CPXM2: variants seen among roughly 807,000 people sequenced by gnomAD.
CPXM2 encodes carboxypeptidase X, M14 family member 2.
CPXM2 carries 66 observed loss-of-function variants against 86.1 expected under a neutral mutation model. The observed-to-expected ratio is 0.77, with a 90% CI of 0.63 to 0.94. CPXM2 has a LOEUF of 0.94. Among genes scored for constraint, CPXM2 ranks in the 40% least tolerant of loss-of-function variants. The pLI is 0.00. For missense variants in CPXM2, 948 were observed against 1,026.3 expected, an observed-to-expected ratio of 0.92 and a Z score of 1.04; for synonymous variants, 388 against 400.2, an observed-to-expected ratio of 0.97 and a Z score of 0.36.
In CPXM2 at chr10:123,807,342, A is replaced by T. The variant is rs1260892770; in HGVS notation, c.654-8143T>A. Among the ~76,000 whole-genome samples, 5 of 152,310 alleles carry T rather than the reference A, an allele frequency of 3.3e-5. No homozygotes were observed. In the East Asian group the frequency reaches 9.6e-4, roughly 29 times the overall value. ...AATTAAATCTTCATTAAAATAATGCAGGCTGATAATCCAGGGTGATAGAAG... is the reference window on the plus strand; with the variant it reads ...AATTAAATCTTCATTAAAATAATGCTGGCTGATAATCCAGGGTGATAGAAG... On this transcript the variant is annotated intron_variant, in intron 4 of 13. Coordinates refer to ENST00000241305, the MANE Select transcript of CPXM2 (RefSeq NM_198148.3).
chr10:123,805,434 T>G (rs957492805), intron 4 of CPXM2, among the ~76,000 whole-genome samples: 2 of 152,174 alleles, frequency 1.3e-5, no homozygotes, highest in African/African-American at 4.8e-5. Context: ...ATATTAATTC[T>G]TATTGTGATT....
At chr10:123,939,454 C>T (rs1360127904) in intron 2 of CPXM2, 1 of 152,102 alleles carries the variant, frequency 6.6e-6, no homozygotes, top group Non-Finnish European at 1.5e-5. Context: ...GGGCTGGATT[C>T]CCATCCTGTC....
intron 13 of CPXM2, among the ~76,000 whole-genome samples, chr10:123,748,215 T>C (rs528431603): frequency 5.3e-5 from 8 of 152,258 alleles, no homozygotes; most frequent in African/African-American, 1.9e-4. Context: ...ACACGGCTAG[T>C]AATCAGCAGT....
At chr10:123,902,790 A>G (rs1945395654) in intron 2 of CPXM2, among the ~76,000 whole-genome samples, 1 of 152,168 alleles carries the variant, frequency 6.6e-6, no homozygotes, top group South Asian at 2.1e-4. Flanking sequence ...GGGGAAACAC[A>G]AACATTCAGA....
intron 2 of CPXM2, among the ~76,000 whole-genome samples, chr10:123,900,523 A>C (rs1250872265): frequency 6.6e-6 from 1 of 152,254 alleles, no homozygotes; most frequent in Admixed American, 6.5e-5. Flanking sequence ...GTGTCATCTG[A>C]CAACTATTAG....
rs138939364 is a variant in CPXM2 at position 123,842,447 on chromosome 10, G to A, written c.555C>T (p.Cys185=). 54 of 1,613,960 alleles carry A rather than the reference G, an allele frequency of 3.3e-5. No individual in the cohort carries two copies. The African/African-American group carries it at 3.9e-4, about 12-fold the overall frequency. ...NENDFYDGAW[C]AGRNDLQQWI... ...ACTGCTGGAGGTCATTTCTTCCCGC[G>A]CACCACGCTCCGTCATAAAAATCAT... Residue 185 remains cysteine, a synonymous_variant, in exon 4 of 14, where the codon TGC becomes TGT. Coordinates refer to ENST00000241305, the MANE Select transcript of CPXM2 (RefSeq NM_198148.3).
At chr10:123,804,827 C>G (rs913271140) in intron 4 of CPXM2, among the ~76,000 whole-genome samples, 1 of 152,090 alleles carries the variant, frequency 6.6e-6, no homozygotes, top group Non-Finnish European at 1.5e-5. Context: ...AGGACTTTTT[C>G]TACTTTTTTT....
intron 4 of CPXM2, among the ~76,000 whole-genome samples, chr10:123,822,943 TTGA>T (rs1847960349): frequency 6.6e-6 from 1 of 152,124 alleles, no homozygotes; most frequent in African/African-American, 2.4e-5. Flanking sequence ...ATTGATTGCA[TTGA>T]TGATTGCACA....
chr10:123,825,599 C>T (rs1590040528), intron 4 of CPXM2, among the ~76,000 whole-genome samples: 1 of 152,322 alleles, frequency 6.6e-6, no homozygotes, highest in East Asian at 1.9e-4. Context: ...GCTGCTAAAC[C>T]TCACCTTGCC....
chr10:123,793,567 G>C (rs1847257727), intron 6 of CPXM2, among the ~76,000 whole-genome samples: 1 of 151,708 alleles, frequency 6.6e-6, no homozygotes, highest in South Asian at 2.1e-4. Context: ...TGAAAGGGGT[G>C]TGAACTCATC....
At chr10:123,796,429 A>C (rs1477824283) in intron 6 of CPXM2, among the ~76,000 whole-genome samples, 1 of 152,192 alleles carries the variant, frequency 6.6e-6, no homozygotes, top group Non-Finnish European at 1.5e-5. Context: ...CCAAAGACAG[A>C]TGGTCTCTAA....
intron 13 of CPXM2, chr10:123,750,586 A>G: frequency 1.0e-6 from 1 of 974,624 alleles, no homozygotes; most frequent in Non-Finnish European, 1.2e-6. Flanking sequence ...AAACTTTTAA[A>G]TCTTCCTTTG....
chr10:123,880,145 T>TTGGGGGGGCCCCCCCCC, intron 2 of CPXM2, 66 bp downstream of exon 2: 1 of 407,580 alleles, frequency 2.5e-6, no homozygotes, highest in Non-Finnish European at 4.8e-6. Flanking sequence ...CAGGGGCCTG[T>TTGGGGGGGCCCCCCCCC]ACCCACCCAC....
intron 2 of CPXM2, among the ~76,000 whole-genome samples, chr10:123,927,461 G>A (rs1167215671): frequency 2.6e-5 from 4 of 152,186 alleles, no homozygotes; most frequent in Non-Finnish European, 5.9e-5. Flanking sequence ...CACCTCACAT[G>A]CCTTTAACTC....
chr10:123,858,575 G>A (rs1848791771), intron 3 of CPXM2, among the ~76,000 whole-genome samples: 1 of 152,208 alleles, frequency 6.6e-6, no homozygotes, highest in Non-Finnish European at 1.5e-5. Context: ...TGGGAAATGT[G>A]AGCTGAGTCA....
At chr10:123,902,710 A>G (rs1945395174) in intron 2 of CPXM2, among the ~76,000 whole-genome samples, 1 of 152,118 alleles carries the variant, frequency 6.6e-6, no homozygotes, top group South Asian at 2.1e-4. Context: ...TCATGACTTA[A>G]TCACCTCCCC....
chr10:123,914,140 A>G (rs1945514999), intron 2 of CPXM2: 1 of 455,346 alleles, frequency 2.2e-6, no homozygotes, highest in Admixed American at 2.4e-5. Context: ...GGAAATGAGC[A>G]TGGCCAAGTT....
chr10:123,848,965 G>A (rs1227714584), intron 3 of CPXM2, among the ~76,000 whole-genome samples: 1 of 152,200 alleles, frequency 6.6e-6, no homozygotes, highest in African/African-American at 2.4e-5. Flanking sequence ...GCCACTGGGG[G>A]TACAAGTATG....
At chr10:123,809,039 G>A (rs61863808) in intron 4 of CPXM2, among the ~76,000 whole-genome samples, 9,124 of 152,008 alleles carry the variant, frequency 0.06, 303 homozygotes, top group South Asian at 0.082. Context: ...GAAATAGCAC[G>A]GCATCCTACA....
Sources: gnomAD v4.1 joint callset for allele counts (sites outside exome capture counted in the v4.1 genomes callset) on GRCh38, gnomAD v4.1.1 for gene constraint, MANE v1.5 for transcripts, NCBI Gene and HGNC (gene_info 2026-07-23, HGNC 2026-07-21) for gene names.